The following PTPRK variants were observed in gnomAD, a reference collection of about 807,000 sequenced individuals.
PTPRK encodes protein tyrosine phosphatase receptor type K.
In PTPRK, 75 loss-of-function variants were observed where a neutral mutation model predicts 178.0. The ratio of observed to expected loss-of-function variants is 0.42; its 90% CI spans 0.35 to 0.51. The LOEUF is 0.51. Ranked by LOEUF, PTPRK falls within the 20% of genes least tolerant of loss-of-function variation. The pLI, the probability that PTPRK is intolerant of heterozygous loss-of-function variation, is 0.02. For missense variants in PTPRK, 1,441 were observed against 1,797.8 expected (o/e 0.80, Z 3.59); for synonymous variants, 637 against 620.6 (o/e 1.03, Z -0.39).
chr6:128,135,855 TA>T (rs200754585), intron 7 of PTPRK, among the ~76,000 whole-genome samples: 1,603 of 150,120 alleles, frequency 0.011, 63 homozygotes, highest in Admixed American at 0.064. Flanking sequence ...ATAAAAATAA[TA>T]AAAAAAAACA....
At chr6:128,110,620 A>T (rs530930905) in intron 7 of PTPRK, among the ~76,000 whole-genome samples, 1 of 143,546 alleles carries the variant, frequency 7.0e-6, no homozygotes. Flanking sequence ...AGATAGAAGT[A>T]AAAAAAAAAA....
rs540532478 is a variant in PTPRK, at chr6:128,492,016, T to A, written c.100+28243A>T. 5.2e-4 allele frequency among the ~76,000 whole-genome samples: 79 copies of A among 152,284 alleles called. 1 individual carries two copies. Among genetic ancestry groups the A allele is most frequent in the African/African-American group, 1.8e-3 (75 of 41,546 alleles). On this transcript the variant is annotated intron_variant, in intron 1 of 29. Transcript: ENST00000368226. ...AGTCTGATCCTATCACTCCCCTGCCTATCTGCCTAAAACTCTTCCATATCA... is the reference window on the plus strand; with the variant it reads ...AGTCTGATCCTATCACTCCCCTGCCAATCTGCCTAAAACTCTTCCATATCA...
chr6:128,015,415 CT>C (rs1374789748), intron 13 of PTPRK, among the ~76,000 whole-genome samples: 15 of 151,730 alleles, frequency 9.9e-5, no homozygotes, highest in Middle Eastern at 3.4e-3. Context: ...ATTCTATCTG[CT>C]TAGTTCTCTC....
intron 6 of PTPRK, among the ~76,000 whole-genome samples, chr6:128,209,409 G>A (rs1165361371): frequency 1.3e-5 from 2 of 152,026 alleles, no homozygotes; most frequent in Non-Finnish European, 2.9e-5. Context: ...GTTTTCCAGT[G>A]CCAGTCCCTC....
At chr6:128,385,185 A>G (rs1838524069) in intron 2 of PTPRK, among the ~76,000 whole-genome samples, 1 of 151,438 alleles carries the variant, frequency 6.6e-6, no homozygotes, top group African/African-American at 2.4e-5. Flanking sequence ...CTGTGATAAC[A>G]CTTCTGATTC....
In PTPRK at chr6:128,256,296, C is replaced by T. The variant is rs183656563; in HGVS notation, c.496-13694G>A. Among the ~76,000 whole-genome samples the T allele has an allele frequency of 7.9e-5, 12 of 152,274 alleles. No homozygotes were observed. The East Asian group carries it at 1.9e-3, about 24-fold the overall frequency. On this transcript the variant is annotated intron_variant, in intron 3 of 29. Transcript: ENST00000368226. ...CGACCTTTGAAACATCCTTCATTAA[C>T]CCAGCACTTAGTGAGCACACACTAT...
chr6:128,144,444 G>T (rs1039463311), intron 7 of PTPRK, among the ~76,000 whole-genome samples: 2 of 152,088 alleles, frequency 1.3e-5, no homozygotes, highest in African/African-American at 4.8e-5. Context: ...CAGGTCTAAT[G>T]CATGTTGTTT....
chr6:128,417,441 A>G (rs1419144893), intron 1 of PTPRK, among the ~76,000 whole-genome samples: 2 of 152,244 alleles, frequency 1.3e-5, no homozygotes, highest in African/African-American at 4.8e-5. Context: ...CCATTTGTAC[A>G]TAGAAAAACT....
intron 7 of PTPRK, among the ~76,000 whole-genome samples, chr6:128,142,356 T>G (rs904783345): frequency 1.3e-5 from 2 of 151,874 alleles, no homozygotes; most frequent in African/African-American, 4.8e-5. Flanking sequence ...CCATAAGATC[T>G]TGCACAGATA....
At chr6:128,151,625 A>G (rs1797261995) in intron 7 of PTPRK, among the ~76,000 whole-genome samples, 2 of 152,086 alleles carry the variant, frequency 1.3e-5, no homozygotes. Flanking sequence ...AAATATAAGT[A>G]ACATTCAAAT....
intron 2 of PTPRK, among the ~76,000 whole-genome samples, chr6:128,324,723 A>C (rs1247643455): frequency 6.6e-6 from 1 of 152,144 alleles, no homozygotes; most frequent in Non-Finnish European, 1.5e-5. Context: ...GAAAGGAGGA[A>C]GAAAGCACTA....
chr6:128,430,557 CAG>C (rs1348370164), intron 1 of PTPRK, among the ~76,000 whole-genome samples: 1 of 151,990 alleles, frequency 6.6e-6, no homozygotes, highest in Non-Finnish European at 1.5e-5. Flanking sequence ...GCAGAAAAGA[CAG>C]AGAGGACATG....
Position 128,344,445 on chromosome 6 carries a change from G to A in PTPRK, c.224-22135C>T, listed in dbSNP as rs186238174. The stretch of plus-strand genomic sequence containing the variant: ...AAAACATAAGATGATACCCTATAAC[G>A]TACAATCAGGCTGTATGCAGCCTGA... On this transcript the variant is annotated intron_variant, in intron 2 of 29. Coordinates refer to ENST00000368226, the MANE Select transcript of PTPRK (RefSeq NM_002844.4). Among the ~76,000 whole-genome samples, 606 of 152,094 alleles carry A rather than the reference G, an allele frequency of 4.0e-3. 4 individuals carry two copies. Among genetic ancestry groups the A allele is most frequent in the African/African-American group, 0.013 (555 of 41,514 alleles).
intron 2 of PTPRK, among the ~76,000 whole-genome samples, chr6:128,370,673 C>T (rs967950334): frequency 1.3e-5 from 2 of 151,990 alleles, no homozygotes; most frequent in South Asian, 2.1e-4. Flanking sequence ...TATAAAAGTC[C>T]TATCAAAAAT....
At chr6:128,455,355 T>C (rs952745082) in intron 1 of PTPRK, among the ~76,000 whole-genome samples, 14 of 152,184 alleles carry the variant, frequency 9.2e-5, no homozygotes, top group Non-Finnish European at 1.9e-4. Flanking sequence ...CTCATGTCAA[T>C]TCTCTGCTTT....
chr6:128,288,719 G>A (rs2128305859), intron 3 of PTPRK, among the ~76,000 whole-genome samples: 1 of 152,068 alleles, frequency 6.6e-6, no homozygotes, highest in South Asian at 2.1e-4. Context: ...GGAAAAAACT[G>A]TTTATTCATC....
chr6:128,519,220 C>A lies in PTPRK; in HGVS notation c.100+1039G>T. ...TCGGGAGCCCGCTCCCCAGCGTCCA[C>A]CTGGTGAAACTTCAGAGCCCCCAGA... On this transcript the variant is annotated intron_variant, in intron 1 of 29. Transcript: ENST00000368226. The surrounding 1 kb of genome is among the most constrained non-coding windows in gnomAD (Gnocchi z 4.3). The A allele has an allele frequency of 2.3e-6, 1 of 437,994 alleles. No individual in the cohort carries two copies. The highest frequency in any genetic ancestry group is 4.6e-6 in the Non-Finnish European group (1 of 216,142). 27.1% of individuals were successfully genotyped at this position (437,994 alleles called of 1,614,324 possible).
At chr6:128,495,017 C>A (rs937004739) in intron 1 of PTPRK, among the ~76,000 whole-genome samples, 1 of 152,148 alleles carries the variant, frequency 6.6e-6, no homozygotes, top group Non-Finnish European at 1.5e-5. Context: ...TAAGACAAAC[C>A]ACTAAAGAAA....
intron 3 of PTPRK, among the ~76,000 whole-genome samples, chr6:128,305,867 A>G (rs373001786): frequency 9.8e-5 from 15 of 152,344 alleles, no homozygotes; most frequent in African/African-American, 3.6e-4. Flanking sequence ...TATGCTAGCT[A>G]TTATGATGGA....
Sources: allele counts gnomAD v4.1 joint callset (sites outside exome capture counted in the v4.1 genomes callset), GRCh38; gene constraint gnomAD v4.1.1; non-coding constraint Gnocchi (gnomAD v3.1); transcripts MANE v1.5; gene names NCBI Gene and HGNC (gene_info 2026-07-23, HGNC 2026-07-21).